The following MPHOSPH6 variants were observed in gnomAD, a reference collection of about 807,000 sequenced individuals.
MPHOSPH6 encodes the protein M-phase phosphoprotein 6.
A neutral mutation model predicts 21.8 loss-of-function variants in MPHOSPH6; 25 were observed. That is an observed-to-expected ratio of 1.15 (90% CI 0.83 to 1.60). MPHOSPH6 has a LOEUF of 1.60. Ranked by LOEUF, MPHOSPH6 falls within the 40% of genes most tolerant of loss-of-function variation. MPHOSPH6 has a pLI of 0.00. For missense variants in MPHOSPH6, 269 were observed against 181.8 expected, an observed-to-expected ratio of 1.48 and a Z score of -2.76; for synonymous variants, 84 against 56.5, an observed-to-expected ratio of 1.49 and a Z score of -2.18.
chr16:82,149,388 T>A lies in MPHOSPH6; in HGVS notation c.271A>T (p.Met91Leu). The A allele has an allele frequency of 6.2e-7, 1 of 1,612,336 alleles. No individual in the cohort carries two copies. Among genetic ancestry groups the A allele is most frequent in the Non-Finnish European group, 8.5e-7 (1 of 1,180,010 alleles). The change falls in exon 4 of 5, where the codon ATG becomes TTG. Residue 91 changes from methionine to leucine, a missense_variant. Physicochemically the swap from Met to Leu is conservative, Grantham distance 15. Coordinates refer to ENST00000258169, the MANE Select transcript of MPHOSPH6 (RefSeq NM_005792.2). The stretch of plus-strand genomic sequence containing the variant: ...TCTTCTGCTTTGTGCTTAGCATTCA[T>A]CTGAAGCATCAATTTCTGAAAAATA... ...NPEVEKLMLQ[M>L]NAKHKAEEVE...
Position 82,148,762 on chromosome 16 carries a change from G to C in MPHOSPH6, c.452C>G (p.Ala151Gly), listed in dbSNP as rs768450743. 1.6e-5 allele frequency: 26 copies of C among 1,613,930 alleles called. No individual in the cohort carries two copies. The highest frequency in any genetic ancestry group is 1.6e-4 in the Middle Eastern group (1 of 6,084). The change falls in exon 5 of 5, where the codon GCA becomes GGA. Residue 151 changes from alanine (A) to glycine (G), a missense_variant. Transcript: ENST00000258169. ...DENGDITPIKAKKMFLKPQD is the reference protein window; with the variant it reads ...DENGDITPIKGKKMFLKPQD ...CTGGGGCTTTAAGAACATCTTCTTT[G>C]CTTTAATTGGTGTTATGTCTCCATT... is the stretch of plus-strand genomic sequence containing the variant.
intron 2 of MPHOSPH6, among the ~76,000 whole-genome samples, chr16:82,154,114 T>C (rs1446105599): frequency 6.6e-6 from 1 of 152,184 alleles, no homozygotes; most frequent in Non-Finnish European, 1.5e-5. Flanking sequence ...TTTTCCAGCC[T>C]ACCATACCTG....
intron 1 of MPHOSPH6, among the ~76,000 whole-genome samples, chr16:82,168,292 C>G (rs1392785728): frequency 1.3e-5 from 2 of 152,120 alleles, no homozygotes; most frequent in East Asian, 3.9e-4. Flanking sequence ...AATGTTATTA[C>G]CAACCATAAA....
At chr16:82,165,116 T>C (rs1200814656) in intron 1 of MPHOSPH6, among the ~76,000 whole-genome samples, 1 of 56,552 alleles carries the variant, frequency 1.8e-5, no homozygotes, top group Non-Finnish European at 3.5e-5. Context: ...CGATATTTCT[T>C]TTTTATTTTT....
intron 3 of MPHOSPH6, among the ~76,000 whole-genome samples, chr16:82,149,853 G>A (rs1906207106): frequency 6.6e-6 from 1 of 152,016 alleles, no homozygotes; most frequent in South Asian, 2.1e-4. Flanking sequence ...GGAGGTGGGA[G>A]AAGTGGAAGG....
chr16:82,149,171 G>C, intron 4 of MPHOSPH6, 138 bp downstream of exon 4: 3 of 946,670 alleles, frequency 3.2e-6, no homozygotes, highest in Non-Finnish European at 4.9e-6. Context: ...AGGCCATTAA[G>C]AGAAGGCCGA....
intron 1 of MPHOSPH6, chr16:82,167,532 C>T (rs1041999075): frequency 1.3e-5 from 2 of 153,978 alleles, no homozygotes; most frequent in Middle Eastern, 3.0e-3. Context: ...AATAATTATA[C>T]AACTCACCAC....
At chr16:82,165,167 G>A (rs1017787848) in intron 1 of MPHOSPH6, among the ~76,000 whole-genome samples, 4 of 118,452 alleles carry the variant, frequency 3.4e-5, no homozygotes, top group Admixed American at 2.4e-4. Context: ...TCACTCTGTC[G>A]CCCAGGCTGG....
chr16:82,166,084 C>T (rs999334467), intron 1 of MPHOSPH6, among the ~76,000 whole-genome samples: 14 of 152,318 alleles, frequency 9.2e-5, no homozygotes, highest in East Asian at 7.7e-4. Flanking sequence ...GTGAAATCTG[C>T]GTCAGCTCAC....
intron 2 of MPHOSPH6, among the ~76,000 whole-genome samples, chr16:82,161,536 CT>C (rs1906608686): frequency 6.6e-6 from 1 of 152,218 alleles, no homozygotes; most frequent in African/African-American, 2.4e-5. Context: ...ATAGCAAAAT[CT>C]TTCATCTGGT....
intron 2 of MPHOSPH6, among the ~76,000 whole-genome samples, chr16:82,158,626 G>A (rs1167529976): frequency 2.0e-5 from 3 of 151,866 alleles, no homozygotes; most frequent in Non-Finnish European, 2.9e-5. Context: ...ATGGTTTTGC[G>A]GGTTTGGGTT....
At position 82,170,204 on chromosome 16, in the gene MPHOSPH6, G is replaced by C. The variant is rs928522187; in HGVS notation, c.-29C>G. ...AGCTTCCGCCCAGCGCCGCACTCCGGCCGCGAGCCTCACCGCACATGCGCG... is the reference window on the plus strand; with the variant it reads ...AGCTTCCGCCCAGCGCCGCACTCCGCCCGCGAGCCTCACCGCACATGCGCG... On this transcript the variant is annotated 5_prime_UTR_variant, in exon 1 of 5. Coordinates refer to ENST00000258169, the MANE Select transcript of MPHOSPH6 (RefSeq NM_005792.2). 7.1e-6 allele frequency: 11 copies of C among 1,552,938 alleles called. No individual in the cohort carries two copies. Among genetic ancestry groups the C allele is most frequent in the Non-Finnish European group, 9.5e-6 (11 of 1,153,770 alleles).
chr16:82,155,735 C>T (rs574237539), intron 2 of MPHOSPH6, among the ~76,000 whole-genome samples: 18 of 152,214 alleles, frequency 1.2e-4, no homozygotes, highest in African/African-American at 4.1e-4. Flanking sequence ...GAAACAGTGT[C>T]TCTACTAAAA....
intron 1 of MPHOSPH6, among the ~76,000 whole-genome samples, chr16:82,168,394 C>G (rs1392801260): frequency 6.6e-6 from 1 of 152,004 alleles, no homozygotes; most frequent in African/African-American, 2.4e-5. Context: ...GTCCTCCACC[C>G]TCATTCACCC....
chr16:82,149,406 G>GA lies in MPHOSPH6; in HGVS notation c.256-4dup, dbSNP rs780572850. The GA allele has an allele frequency of 1.9e-6, 3 of 1,610,834 alleles. No homozygotes were observed. The East Asian group carries it at 6.7e-5, about 36-fold the overall frequency. On this transcript the variant is annotated splice_polypyrimidine_tract_variant and splice_region_variant and intron_variant, in intron 3 of 4. Transcript: ENST00000258169. ...GCATTCATCTGAAGCATCAATTTCTGAAAAATACACCAGTGCTGACCTTCA... is the reference window on the plus strand; with the variant it reads ...GCATTCATCTGAAGCATCAATTTCTGAAAAAATACACCAGTGCTGACCTTCA...
At chr16:82,168,293 C>A (rs11645286) in intron 1 of MPHOSPH6, among the ~76,000 whole-genome samples, 97,493 of 151,988 alleles carry the variant, frequency 0.64, 33,280 homozygotes, top group East Asian at 0.78. Context: ...ATGTTATTAC[C>A]AACCATAAAA....
intron 3 of MPHOSPH6, 113 bp from the exon 4 acceptor site, chr16:82,149,516 C>T (rs1859343221): frequency 2.3e-6 from 2 of 864,692 alleles, no homozygotes; most frequent in African/African-American, 1.7e-5. Context: ...GAGAACTAGT[C>T]AAAATTGATA....
At chr16:82,169,960 A>G in intron 1 of MPHOSPH6, 165 bp downstream of exon 1, 2 of 793,660 alleles carry the variant, frequency 2.5e-6, no homozygotes, top group South Asian at 4.2e-5. Context: ...GCTGGTTCCC[A>G]GTAAACAGTG....
chr16:82,160,947 A>G (rs1055726954), intron 2 of MPHOSPH6, among the ~76,000 whole-genome samples: 1 of 123,336 alleles, frequency 8.1e-6, no homozygotes, highest in Non-Finnish European at 1.7e-5. Flanking sequence ...CCCTACACTC[A>G]GAGGAAAGCA....
Sources: gnomAD v4.1 joint callset for allele counts (sites outside exome capture counted in the v4.1 genomes callset) on GRCh38, gnomAD v4.1.1 for gene constraint, MANE v1.5 for transcripts, NCBI Gene and HGNC (gene_info 2026-07-23, HGNC 2026-07-21) for gene names.